The following XKR9 variants were observed in gnomAD, a reference collection of about 807,000 sequenced individuals.
XKR9 encodes XK related 9.
In XKR9, 32 loss-of-function variants were observed where a neutral mutation model predicts 32.0. The observed-to-expected ratio is 1.00, with a 90% CI of 0.76 to 1.34. The LOEUF (loss-of-function observed/expected upper bound fraction) is 1.34. Among genes scored for constraint, XKR9 ranks in the 40% most tolerant of loss-of-function variants. The pLI is 0.00. For missense variants in XKR9, 546 were observed against 429.7 expected (o/e 1.27, Z -2.39); for synonymous variants, 168 against 143.4 (o/e 1.17, Z -1.22).
chr8:70,811,222 A>G, the XKR9 span, among the ~76,000 whole-genome samples: 7 of 152,052 alleles, frequency 4.6e-5, no homozygotes, highest in Admixed American at 2.6e-4. Flanking sequence ...GGCAGACGTA[A>G]AGATGTTCTT....
At chr8:70,800,409 G>GT in the XKR9 span, among the ~76,000 whole-genome samples, 3 of 152,082 alleles carry the variant, frequency 2.0e-5, no homozygotes, top group African/African-American at 7.2e-5. Context: ...CTTTACCTCA[G>GT]TTTTTTGGAA....
intron 3 of XKR9, among the ~76,000 whole-genome samples, chr8:70,695,323 C>T (rs1805226882): frequency 1.2e-5 from 1 of 84,274 alleles, no homozygotes; most frequent in Admixed American, 1.1e-4. Flanking sequence ...GCTATCCCTC[C>T]CCCCTCCCGC....
At chr8:70,909,768 G>A in the XKR9 span, among the ~76,000 whole-genome samples, 1 of 139,554 alleles carries the variant, frequency 7.2e-6, no homozygotes, top group Non-Finnish European at 1.5e-5. Flanking sequence ...GAATACAGTG[G>A]CATGATCTCA....
intron 4 of XKR9, among the ~76,000 whole-genome samples, chr8:70,714,846 A>G (rs1477815489): frequency 6.6e-6 from 1 of 152,188 alleles, no homozygotes; most frequent in African/African-American, 2.4e-5. Context: ...AAATCTCTGA[A>G]TTAATAAGTA....
chr8:70,794,823 T>TTGTGTGTGTG (rs56167343), downstream of XKR9, among the ~76,000 whole-genome samples: 3,836 of 147,642 alleles, frequency 0.026, 64 homozygotes, highest in Middle Eastern at 0.059. Flanking sequence ...TAGTCTTCTT[T>TTGTGTGTGTG]TGTGTGTGTG....
chr8:70,995,188 A>T, the XKR9 span, among the ~76,000 whole-genome samples: 1 of 152,198 alleles, frequency 6.6e-6, no homozygotes, highest in African/African-American at 2.4e-5. Flanking sequence ...GCTGAGAGAA[A>T]GGAAGCAAAT....
At chr8:70,779,374 C>A (rs1221087157) in intron 2 of XKR9, among the ~76,000 whole-genome samples, 1 of 152,020 alleles carries the variant, frequency 6.6e-6, no homozygotes, top group Non-Finnish European at 1.5e-5. Context: ...TGAAGATTTT[C>A]GCATCAATGT....
intron 2 of XKR9, among the ~76,000 whole-genome samples, chr8:70,759,477 G>C (rs1362122889): frequency 7.2e-5 from 11 of 152,192 alleles, no homozygotes. Context: ...GAAATAATCT[G>C]TCTGACAGAT....
At chr8:70,793,814 T>A (rs573627353), downstream of XKR9, among the ~76,000 whole-genome samples, 1 of 152,218 alleles carries the variant, frequency 6.6e-6, no homozygotes, top group African/African-American at 2.4e-5. Context: ...CCTTTTTTTT[T>A]CAAGATTTCT....
At chr8:70,889,823 A>G in the XKR9 span, among the ~76,000 whole-genome samples, 1 of 151,896 alleles carries the variant, frequency 6.6e-6, no homozygotes, top group East Asian at 1.9e-4. Flanking sequence ...TCCATTGTTG[A>G]TAGGCACTTA....
chr8:70,703,597 C>T (rs1002844207), intron 3 of XKR9, among the ~76,000 whole-genome samples: 2 of 152,074 alleles, frequency 1.3e-5, no homozygotes, highest in Non-Finnish European at 2.9e-5. Flanking sequence ...TAGGTTTCAA[C>T]GTATGAATTT....
the XKR9 span, among the ~76,000 whole-genome samples, chr8:70,957,394 A>C: frequency 6.6e-6 from 1 of 152,006 alleles, no homozygotes; most frequent in Non-Finnish European, 1.5e-5. Flanking sequence ...TTTTATTTTA[A>C]GTTTAGGGGT....
At chr8:70,998,740 C>T in the XKR9 span, among the ~76,000 whole-genome samples, 3 of 152,168 alleles carry the variant, frequency 2.0e-5, no homozygotes, top group African/African-American at 7.2e-5. Flanking sequence ...TGTGCATCTT[C>T]CACAAGCAAC....
chr8:70,909,508 G>T, the XKR9 span, among the ~76,000 whole-genome samples: 1 of 151,774 alleles, frequency 6.6e-6, no homozygotes, highest in Non-Finnish European at 1.5e-5. Context: ...ACTTGACATT[G>T]AAGTAATCTG....
At chr8:70,710,367 G>A (rs1332215263) in intron 4 of XKR9, among the ~76,000 whole-genome samples, 1 of 152,164 alleles carries the variant, frequency 6.6e-6, no homozygotes, top group Non-Finnish European at 1.5e-5. Context: ...ATACCATTCT[G>A]GACATAGGCC....
chr8:70,772,777 C>G (rs1361228642), intron 2 of XKR9, among the ~76,000 whole-genome samples: 1 of 152,136 alleles, frequency 6.6e-6, no homozygotes, highest in Non-Finnish European at 1.5e-5. Context: ...TTCTTGATTT[C>G]TAATTCATGT....
chr8:70,681,392 TG>T, intron 3 of XKR9, 62 bp downstream of exon 3: 1 of 1,541,764 alleles, frequency 6.5e-7, no homozygotes, highest in Non-Finnish European at 8.7e-7. Context: ...GCTACCATTT[TG>T]TATCTTATCT....
At chr8:71,005,443 T>C in the XKR9 span, among the ~76,000 whole-genome samples, 2 of 151,976 alleles carry the variant, frequency 1.3e-5, no homozygotes, top group African/African-American at 4.8e-5. Flanking sequence ...AGGCTGGTCT[T>C]GAATGCCTGA....
At chr8:70,717,670 G>A (rs915450565) in intron 4 of XKR9, among the ~76,000 whole-genome samples, 35 of 152,130 alleles carry the variant, frequency 2.3e-4, no homozygotes, top group Non-Finnish European at 8.8e-5. Flanking sequence ...GTGATAGAAG[G>A]GGCTGCAGTA....
Sources: gnomAD v4.1 joint callset for allele counts (sites outside exome capture counted in the v4.1 genomes callset) on GRCh38, gnomAD v4.1.1 for gene constraint, MANE v1.5 for transcripts, NCBI Gene and HGNC (gene_info 2026-07-23, HGNC 2026-07-21) for gene names.